SUMF1: variants seen among roughly 807,000 people sequenced by gnomAD.
The protein encoded by SUMF1 is sulfatase modifying factor 1.
SUMF1 carries 48 observed loss-of-function variants against 47.6 expected under a neutral mutation model. The observed-to-expected ratio is 1.01, with a 90% confidence interval of 0.80 to 1.28. SUMF1 has a LOEUF of 1.28. Among genes scored for constraint, SUMF1 ranks in the 50% most tolerant of loss-of-function variants. SUMF1 has a pLI of 0.00. For synonymous variants in SUMF1, 230 were observed against 192.1 expected, an observed-to-expected ratio of 1.20 and a Z score of -1.63; for missense variants, 571 against 485.4, an observed-to-expected ratio of 1.18 and a Z score of -1.66.
At chr3:4,302,315 G>A (rs758475482) in intron 8 of SUMF1, among the ~76,000 whole-genome samples, 36 of 152,142 alleles carry the variant, frequency 2.4e-4, no homozygotes, top group Non-Finnish European at 4.9e-4. Flanking sequence ...CGAGAAGCGG[G>A]TGAGGGGTGG....
intron 8 of SUMF1, among the ~76,000 whole-genome samples, chr3:4,119,848 A>G (rs1263107294): frequency 1.3e-5 from 2 of 152,116 alleles, no homozygotes; most frequent in East Asian, 3.9e-4. Flanking sequence ...GGTTCCCCAC[A>G]GTTTGTGCAG....
chr3:4,263,751 A>G (rs2125026204), intron 8 of SUMF1, among the ~76,000 whole-genome samples: 1 of 152,322 alleles, frequency 6.6e-6, no homozygotes, highest in East Asian at 1.9e-4. Context: ...TACTGAAGGC[A>G]TATTATGAAT....
chr3:4,048,424 T>C (rs779092027), intron 9 of SUMF1, among the ~76,000 whole-genome samples: 4 of 152,166 alleles, frequency 2.6e-5, no homozygotes, highest in Non-Finnish European at 5.9e-5. Flanking sequence ...AGCAGAGTCT[T>C]ATGGCTCAAA....
At chr3:4,329,535 T>C (rs1275880396) in intron 8 of SUMF1, among the ~76,000 whole-genome samples, 2 of 152,278 alleles carry the variant, frequency 1.3e-5, no homozygotes, top group East Asian at 3.9e-4. Context: ...GCTGGAGTGG[T>C]TGGGACACAG....
intron 9 of SUMF1, among the ~76,000 whole-genome samples, chr3:4,038,146 C>T (rs1175257762): frequency 1.3e-5 from 2 of 152,132 alleles, no homozygotes; most frequent in African/African-American, 4.8e-5. Context: ...ATTTCCTCAC[C>T]AACTTGGAGG....
intron 8 of SUMF1, among the ~76,000 whole-genome samples, chr3:4,333,865 C>T (rs1439611442): frequency 6.6e-6 from 1 of 151,416 alleles, no homozygotes; most frequent in Non-Finnish European, 1.5e-5. Context: ...TAGTGGCTCA[C>T]ACTTGTAATC....
intron 3 of SUMF1, among the ~76,000 whole-genome samples, chr3:4,448,915 A>C (rs565533918): frequency 6.6e-6 from 1 of 152,384 alleles, no homozygotes; most frequent in Non-Finnish European, 1.5e-5. Flanking sequence ...CTTTTAGAAT[A>C]GAATTTTAAA....
At chr3:4,143,757 C>T (rs1694126625) in intron 8 of SUMF1, among the ~76,000 whole-genome samples, 1 of 152,072 alleles carries the variant, frequency 6.6e-6, no homozygotes. Flanking sequence ...GAGATAGCTC[C>T]TAATTCCTAA....
intron 8 of SUMF1, among the ~76,000 whole-genome samples, chr3:4,183,681 C>G (rs1695142253): frequency 6.6e-6 from 1 of 152,082 alleles, no homozygotes; most frequent in Non-Finnish European, 1.5e-5. Flanking sequence ...AAAAACTGAA[C>G]AACACTGAAA....
intron 8 of SUMF1, among the ~76,000 whole-genome samples, chr3:4,175,921 G>A (rs1694949855): frequency 6.6e-6 from 1 of 152,134 alleles, no homozygotes; most frequent in African/African-American, 2.4e-5. Flanking sequence ...ATTTGATAAA[G>A]CGGAAGAAAG....
At chr3:4,360,699 A>G (rs531283121), downstream of SUMF1, among the ~76,000 whole-genome samples, 3 of 152,326 alleles carry the variant, frequency 2.0e-5, no homozygotes, top group Admixed American at 2.0e-4. Context: ...GTAGCATTCA[A>G]GTGTTGGTTA....
intron 8 of SUMF1, among the ~76,000 whole-genome samples, chr3:4,307,960 C>G (rs1698255871): frequency 6.6e-6 from 1 of 152,016 alleles, no homozygotes; most frequent in South Asian, 2.1e-4. Context: ...GACCTTGAGC[C>G]CAGCAGTTGG....
At chr3:4,233,393 T>G (rs1696343451) in intron 8 of SUMF1, among the ~76,000 whole-genome samples, 1 of 152,162 alleles carries the variant, frequency 6.6e-6, no homozygotes, top group African/African-American at 2.4e-5. Context: ...CATTTTCTTT[T>G]TTTATGAGCC....
At chr3:4,270,631 C>CA (rs1222593415) in intron 8 of SUMF1, among the ~76,000 whole-genome samples, 1 of 152,064 alleles carries the variant, frequency 6.6e-6, no homozygotes, top group Non-Finnish European at 1.5e-5. Flanking sequence ...AGAAGGTCGT[C>CA]AAAAAATAGC....
chr3:4,430,421 T>C (rs937478981), intron 3 of SUMF1, among the ~76,000 whole-genome samples: 1 of 152,148 alleles, frequency 6.6e-6, no homozygotes, highest in Non-Finnish European at 1.5e-5. Flanking sequence ...GTTGGACAAG[T>C]GACTTTCCTC....
At chr3:4,099,504 A>G (rs1401414760) in intron 8 of SUMF1, among the ~76,000 whole-genome samples, 1 of 152,126 alleles carries the variant, frequency 6.6e-6, no homozygotes, top group Non-Finnish European at 1.5e-5. Flanking sequence ...AGCTAACATT[A>G]TACTCAACAC....
At chr3:4,280,164 A>G (rs530069871) in intron 8 of SUMF1, among the ~76,000 whole-genome samples, 1 of 152,334 alleles carries the variant, frequency 6.6e-6, no homozygotes, top group South Asian at 2.1e-4. Context: ...TCCACAATGT[A>G]TACATATCTT....
chr3:4,112,976 G>T (rs986921020), intron 8 of SUMF1, among the ~76,000 whole-genome samples: 2 of 152,148 alleles, frequency 1.3e-5, no homozygotes, highest in Non-Finnish European at 2.9e-5. Context: ...GTGGCAGGAT[G>T]AGGTGTTCTG....
At chr3:4,086,388 T>G (rs539219843) in intron 8 of SUMF1, among the ~76,000 whole-genome samples, 2 of 152,124 alleles carry the variant, frequency 1.3e-5, no homozygotes, top group African/African-American at 4.8e-5. Flanking sequence ...TTTTCCTCTG[T>G]GAAATTAAGA....
Sources: gnomAD v4.1 joint callset for allele counts (sites outside exome capture counted in the v4.1 genomes callset) on GRCh38, gnomAD v4.1.1 for gene constraint, MANE v1.5 for transcripts, NCBI Gene and HGNC (gene_info 2026-07-23, HGNC 2026-07-21) for gene names.